SUCLG2: variants seen among roughly 807,000 people sequenced by gnomAD.
The protein encoded by SUCLG2 is succinate--CoA ligase [GDP-forming] subunit beta, mitochondrial.
A neutral mutation model predicts 47.9 loss-of-function variants in SUCLG2; 42 were observed. That is an observed-to-expected ratio of 0.88 (90% CI 0.69 to 1.14). SUCLG2 has a LOEUF of 1.14. Among genes scored for constraint, SUCLG2 ranks in the 50% most tolerant of loss-of-function variants. SUCLG2 has a pLI of 0.00. For missense variants in SUCLG2, 571 were observed against 525.9 expected (o/e 1.09, Z -0.84); for synonymous variants, 195 against 197.3 (o/e 0.99, Z 0.10).
At chr3:67,403,449 C>A (rs906428472) in intron 9 of SUCLG2, among the ~76,000 whole-genome samples, 2 of 152,182 alleles carry the variant, frequency 1.3e-5, no homozygotes, top group African/African-American at 4.8e-5. Context: ...TTTCAACAGA[C>A]ACTTGATCAA....
rs1204680755 is a variant in SUCLG2 at position 67,529,159 on chromosome 3, T to C, written c.254A>G (p.Gln85Arg). 3 of 1,612,278 alleles carry C rather than the reference T, an allele frequency of 1.9e-6. No individual in the cohort carries two copies. Among genetic ancestry groups the C allele is most frequent in the South Asian group, 2.2e-5 (2 of 90,412 alleles). ...LNAKEIVLKA[Q>R]ILAGGRGKGV... ...TTTTCCTCTTCCTCCAGCTAAGATCTGGGCTTTTAAAACAATTTCTTTTGC... is the reference window on the plus strand; with the variant it reads ...TTTTCCTCTTCCTCCAGCTAAGATCCGGGCTTTTAAAACAATTTCTTTTGC... Residue 85 changes from glutamine (Q) to arginine (R), a missense_variant, in exon 3 of 11, where the codon CAG (glutamine) becomes CGG (arginine). Gln to Arg is a conservative substitution (Grantham distance 43). Transcript: ENST00000307227.
At chr3:67,374,033 T>A (rs1360147797), downstream of SUCLG2, among the ~76,000 whole-genome samples, 1 of 152,182 alleles carries the variant, frequency 6.6e-6, no homozygotes, top group African/African-American at 2.4e-5. Context: ...ACTGGAAACA[T>A]CAATATTTAC....
chr3:67,645,965 T>C (rs1014193484), intron 1 of SUCLG2, among the ~76,000 whole-genome samples: 4 of 150,932 alleles, frequency 2.7e-5, no homozygotes, highest in East Asian at 2.0e-4. Flanking sequence ...GAGATCTCCA[T>C]TGATAAGGAG....
chr3:67,475,171 G>A (rs1025833352), intron 9 of SUCLG2, among the ~76,000 whole-genome samples: 1 of 152,088 alleles, frequency 6.6e-6, no homozygotes, highest in Admixed American at 6.6e-5. Flanking sequence ...TCATGAGTTG[G>A]CAACTCCTGA....
chr3:67,360,568 T>C, exon 11 of SUCLG2: 2 of 1,425,228 alleles, frequency 1.4e-6, no homozygotes, highest in Non-Finnish European at 1.8e-6. Context: ...AAAATAATTT[T>C]GTGATGATAT....
intron 2 of SUCLG2, among the ~76,000 whole-genome samples, chr3:67,584,334 A>G (rs936140302): frequency 1.3e-5 from 2 of 152,234 alleles, no homozygotes; most frequent in Non-Finnish European, 2.9e-5. Flanking sequence ...TAAAGAAAAG[A>G]CAAATCTATA....
Position 67,654,561 on chromosome 3 carries a change from G to A in SUCLG2, c.26C>T (p.Ala9Val). The change falls in exon 1 of 11, where the codon GCC (alanine) becomes GTC (valine). Residue 9 changes from alanine (A) to valine (V), a missense_variant. By Grantham distance (64) the Ala-to-Val change is moderately conservative. Transcript: ENST00000307227. The part of the protein sequence containing the change: MASPVAAQ[A>V]GKLLRALALR... ...CGCTAGGGCTCGCAGAAGCTTCCCG[G>A]CCTGCGCTGCTACGGGGGACGCCAT... is the stretch of plus-strand genomic sequence containing the variant. The A allele has an allele frequency of 3.1e-6, 4 of 1,273,040 alleles. No individual in the cohort carries two copies. Among genetic ancestry groups the A allele is most frequent in the East Asian group, 2.9e-5 (1 of 34,084 alleles). 78.9% of individuals were successfully genotyped at this position (1,273,040 alleles called of 1,614,324 possible).
chr3:67,446,583 C>T (rs7632745), intron 9 of SUCLG2, among the ~76,000 whole-genome samples: 83,595 of 150,288 alleles, frequency 0.56, 23,603 homozygotes, highest in Non-Finnish European at 0.61. Flanking sequence ...GCGCCTGCCA[C>T]CACGCCTGGC....
chr3:67,570,234 T>G (rs1186251982), intron 2 of SUCLG2, among the ~76,000 whole-genome samples: 1 of 152,212 alleles, frequency 6.6e-6, no homozygotes, highest in African/African-American at 2.4e-5. Context: ...TTCTGTTATT[T>G]AAACCACCCA....
chr3:67,589,695 C>A (rs1004119842), intron 2 of SUCLG2, among the ~76,000 whole-genome samples: 1 of 152,198 alleles, frequency 6.6e-6, no homozygotes, highest in African/African-American at 2.4e-5. Flanking sequence ...TCTAATTATA[C>A]TCCTATGCTC....
rs572371873 is a variant in SUCLG2 at position 67,548,315 on chromosome 3, T to C, written c.227-19129A>G. 4.0e-3 allele frequency among the ~76,000 whole-genome samples: 609 copies of C among 152,330 alleles called. 5 individuals are homozygous for C. The highest frequency in any genetic ancestry group is 0.01 in the Middle Eastern group (3 of 294). Reference sequence around the variant, plus strand: ...ATTAAAATTTCCAATCACATAGAAATGTCAAATGACTAGTAAATATCCACA... The same window carrying C: ...ATTAAAATTTCCAATCACATAGAAACGTCAAATGACTAGTAAATATCCACA... On this transcript the variant is annotated intron_variant, in intron 2 of 10. Coordinates refer to ENST00000307227, the MANE Select transcript of SUCLG2 (RefSeq NM_003848.4).
rs548149864 is a variant in SUCLG2 at position 67,431,199 on chromosome 3, C to T, written c.1063-30348G>A. Among the ~76,000 whole-genome samples the T allele has an allele frequency of 1.8e-3, 279 of 152,200 alleles. 1 individual carries two copies. The highest frequency in any genetic ancestry group is 6.1e-3 in the African/African-American group (254 of 41,556). On this transcript the variant is annotated intron_variant, in intron 9 of 10. Coordinates refer to ENST00000307227, the MANE Select transcript of SUCLG2 (RefSeq NM_003848.4). ...CCCTGATGAACATCGAGGCAAAAAT[C>T]CTCAATAAAATACTGGCAAACTGAA... is the stretch of plus-strand genomic sequence containing the variant.
chr3:67,563,811 A>G (rs1024802295), intron 2 of SUCLG2, among the ~76,000 whole-genome samples: 2 of 152,024 alleles, frequency 1.3e-5, no homozygotes, highest in African/African-American at 4.8e-5. Context: ...TACAAAAAAA[A>G]TTAGCTGGGA....
intron 2 of SUCLG2, among the ~76,000 whole-genome samples, chr3:67,592,743 A>AAAAAC (rs1708197448): frequency 7.4e-5 from 11 of 148,476 alleles, no homozygotes; most frequent in African/African-American, 2.8e-4. Context: ...AAAACAACAA[A>AAAAAC]AAAAAACTGA....
At chr3:67,519,640 C>T (rs2107125778) in intron 5 of SUCLG2, among the ~76,000 whole-genome samples, 1 of 152,154 alleles carries the variant, frequency 6.6e-6, no homozygotes, top group South Asian at 2.1e-4. Context: ...AAAATCTCCC[C>T]TTCTCAAAGG....
rs528460165 is a variant in SUCLG2, at chr3:67,586,686, C to T, written c.226+22769G>A. On this transcript the variant is annotated intron_variant, in intron 2 of 10. Transcript: ENST00000307227. The stretch of plus-strand genomic sequence containing the variant: ...TTTTGAAATGCTCTAGACCAAAGTT[C>T]GTTGCTTTTGGCTTAAAGCAGCACA... Among the ~76,000 whole-genome samples the T allele has an allele frequency of 3.3e-5, 5 of 152,284 alleles. No individual in the cohort carries two copies. In the South Asian group the frequency reaches 6.2e-4, roughly 19 times the overall value.
At chr3:67,619,153 G>A (rs1334501065) in intron 1 of SUCLG2, among the ~76,000 whole-genome samples, 1 of 152,124 alleles carries the variant, frequency 6.6e-6, no homozygotes, top group Admixed American at 6.5e-5. Context: ...TTCTTCTTGG[G>A]GTGCCTTGGC....
chr3:67,572,250 G>A (rs186830238), intron 2 of SUCLG2, among the ~76,000 whole-genome samples: 18 of 152,288 alleles, frequency 1.2e-4, no homozygotes, highest in Admixed American at 1.1e-3. Context: ...AGAAACAGGA[G>A]TAACTTTTCC....
intron 2 of SUCLG2, among the ~76,000 whole-genome samples, chr3:67,568,510 G>T (rs1707525896): frequency 6.6e-6 from 1 of 152,168 alleles, no homozygotes. Flanking sequence ...CTTTTTAAAA[G>T]AAAGCATAAG....
Sources: gnomAD v4.1 joint callset for allele counts (sites outside exome capture counted in the v4.1 genomes callset) on GRCh38, gnomAD v4.1.1 for gene constraint, MANE v1.5 for transcripts, NCBI Gene and HGNC (gene_info 2026-07-23, HGNC 2026-07-21) for gene names.